The following SLC11A2 variants were observed in gnomAD, a reference collection of about 807,000 sequenced individuals.
The protein encoded by SLC11A2 is natural resistance-associated macrophage protein 2.
In SLC11A2, 38 loss-of-function variants were observed where a neutral mutation model predicts 68.0. That is an observed-to-expected ratio of 0.56 (90% confidence interval 0.43 to 0.73). The LOEUF (loss-of-function observed/expected upper bound fraction) is 0.73, where lower values mean the gene tolerates loss of function less well. Ranked by LOEUF, SLC11A2 falls within the 30% of genes least tolerant of loss-of-function variation. The pLI, the probability that SLC11A2 is intolerant of heterozygous loss-of-function variation, is 0.00. For synonymous variants in SLC11A2, 242 were observed against 250.6 expected, an observed-to-expected ratio of 0.97 and a Z score of 0.32; for missense variants, 517 against 690.5, an observed-to-expected ratio of 0.75 and a Z score of 2.82.
chr12:50,963,624 A>G, the SLC11A2 span, among the ~76,000 whole-genome samples: 1 of 152,158 alleles, frequency 6.6e-6, no homozygotes, highest in Non-Finnish European at 1.5e-5. Flanking sequence ...AGCAGGAGCC[A>G]TGGTGGCTGT....
the SLC11A2 span, among the ~76,000 whole-genome samples, chr12:50,972,532 G>C: frequency 3.9e-5 from 6 of 152,228 alleles, no homozygotes; most frequent in African/African-American, 1.4e-4. Flanking sequence ...TGGCCGAATA[G>C]GAACAGCTCC....
chr12:50,999,467 T>G (rs775113719), intron 6 of SLC11A2, 52 bp from the exon 7 acceptor site: 4 of 1,404,812 alleles, frequency 2.8e-6, no homozygotes, highest in Non-Finnish European at 4.0e-6. Flanking sequence ...AAAGGAAACA[T>G]TGAAAAACAC....
At chr12:50,974,158 G>C in the SLC11A2 span, among the ~76,000 whole-genome samples, 3 of 151,732 alleles carry the variant, frequency 2.0e-5, no homozygotes, top group Admixed American at 6.6e-5. Flanking sequence ...GATACTCCTC[G>C]AGAAGAGCAA....
chr12:51,005,659 G>A (rs570552492), intron 3 of SLC11A2: 10 of 1,370,134 alleles, frequency 7.3e-6, no homozygotes, highest in Admixed American at 6.6e-5. Flanking sequence ...TTACCTGCAG[G>A]TTCCATCAGC....
At chr12:51,028,150 G>A (rs931089092), upstream of SLC11A2, 1 of 1,492,626 alleles carries the variant, frequency 6.7e-7, no homozygotes, top group African/African-American at 1.4e-5. Flanking sequence ...GGTCTGCTCA[G>A]CTGGGCAGCT....
chr12:51,013,250 T>C (rs1041998155), intron 1 of SLC11A2, among the ~76,000 whole-genome samples: 1 of 151,944 alleles, frequency 6.6e-6, no homozygotes, highest in African/African-American at 2.4e-5. Flanking sequence ...AAGTTTCCAA[T>C]TGTGGCCCTG....
downstream of SLC11A2, among the ~76,000 whole-genome samples, chr12:50,979,043 C>T (rs1317010139): frequency 6.6e-6 from 1 of 152,102 alleles, no homozygotes; most frequent in Non-Finnish European, 1.5e-5. Flanking sequence ...CAGATTGACT[C>T]TATAGTGTTG....
At chr12:50,984,806 T>C (rs1391778661), downstream of SLC11A2, among the ~76,000 whole-genome samples, 2 of 152,186 alleles carry the variant, frequency 1.3e-5, no homozygotes, top group African/African-American at 4.8e-5. Flanking sequence ...CTAATGCATA[T>C]TCTAGCACTA....
intron 3 of SLC11A2, 152 bp from the exon 4 acceptor site, chr12:51,005,588 C>T: frequency 6.8e-7 from 1 of 1,477,450 alleles, no homozygotes; most frequent in Non-Finnish European, 9.1e-7. Flanking sequence ...GTTTCACCTC[C>T]ATCTTACCCA....
the SLC11A2 span, among the ~76,000 whole-genome samples, chr12:50,954,634 G>C: frequency 6.6e-6 from 1 of 152,048 alleles, no homozygotes; most frequent in Non-Finnish European, 1.5e-5. Context: ...GCCGAGGTGG[G>C]AGGATTGCTT....
chr12:50,998,771 T>C (rs73297995), intron 8 of SLC11A2, among the ~76,000 whole-genome samples: 105 of 152,266 alleles, frequency 6.9e-4, no homozygotes, highest in African/African-American at 2.4e-3. Flanking sequence ...TGTTTTAATA[T>C]TGGGAAAGTT....
At chr12:50,964,287 A>C in the SLC11A2 span, among the ~76,000 whole-genome samples, 1 of 152,234 alleles carries the variant, frequency 6.6e-6, no homozygotes, top group Non-Finnish European at 1.5e-5. Context: ...TACACATTTC[A>C]TATCCCCTTT....
At chr12:51,023,035 T>C (rs888807103) in intron 1 of SLC11A2, among the ~76,000 whole-genome samples, 15 of 152,262 alleles carry the variant, frequency 9.9e-5, no homozygotes, top group African/African-American at 3.6e-4. Context: ...CCTTATTATA[T>C]ACATGTCATT....
upstream of SLC11A2, chr12:51,028,211 C>A (rs1366619478): frequency 1.3e-6 from 2 of 1,535,526 alleles, no homozygotes; most frequent in Non-Finnish European, 1.7e-6. Flanking sequence ...CCGTCTTCAG[C>A]TGCTTCTTCC....
chr12:50,977,164 C>T (rs1445372171), downstream of SLC11A2, among the ~76,000 whole-genome samples: 2 of 152,110 alleles, frequency 1.3e-5, no homozygotes, highest in Non-Finnish European at 2.9e-5. Context: ...TCATATGGAA[C>T]CAAAAAAGAG....
chr12:51,008,321 G>A (rs1434222964), intron 3 of SLC11A2, 155 bp downstream of exon 3: 4 of 617,212 alleles, frequency 6.5e-6, no homozygotes, highest in Non-Finnish European at 5.8e-6. Flanking sequence ...GTGTGTGTGT[G>A]TGTGTATATA....
the SLC11A2 span, among the ~76,000 whole-genome samples, chr12:50,952,674 G>C: frequency 2.6e-5 from 4 of 152,106 alleles, no homozygotes; most frequent in Non-Finnish European, 5.9e-5. Flanking sequence ...TGTGCAGCTC[G>C]AGGCTTTGCA....
In SLC11A2 at chr12:50,987,310, TC is replaced by T. The variant is rs1436579362; in HGVS notation, c.*1014del. On this transcript the variant is annotated 3_prime_UTR_variant, in exon 16 of 16. Transcript: ENST00000262052. ...GCTTTGCAACGGTTAAGTCCACAGC[TC>T]CTGAGATTGCCTCGCAAGTCATCTT... The T allele has an allele frequency of 7.8e-7, 1 of 1,287,192 alleles. No individual in the cohort carries two copies. Among genetic ancestry groups the T allele is most frequent in the Non-Finnish European group, 1.0e-6 (1 of 988,680 alleles). 79.7% of individuals were successfully genotyped at this position (1,287,192 alleles called of 1,614,324 possible).
At chr12:51,015,594 G>A (rs1943585583) in intron 1 of SLC11A2, among the ~76,000 whole-genome samples, 1 of 152,010 alleles carries the variant, frequency 6.6e-6, no homozygotes, top group Non-Finnish European at 1.5e-5. Flanking sequence ...TATGGAAGCA[G>A]TAAGTTAATA....
Sources: gnomAD v4.1 joint callset for allele counts (sites outside exome capture counted in the v4.1 genomes callset) on GRCh38, gnomAD v4.1.1 for gene constraint, MANE v1.5 for transcripts, NCBI Gene and HGNC (gene_info 2026-07-23, HGNC 2026-07-21) for gene names.